Variants in RFFL observed in about 807,000 individuals in gnomAD.
RFFL encodes the protein E3 ubiquitin-protein ligase rififylin.
In RFFL, 16 loss-of-function variants were observed where a neutral mutation model predicts 40.4. That is an observed-to-expected ratio of 0.40 (90% CI 0.27 to 0.60). The LOEUF is 0.60. Ranked by LOEUF, RFFL falls within the 20% of genes least tolerant of loss-of-function variation. The pLI, the probability that RFFL is intolerant of heterozygous loss-of-function variation, is 0.47. For synonymous variants in RFFL, 154 were observed against 167.9 expected (o/e 0.92, Z 0.64); for missense variants, 367 against 451.7 (o/e 0.81, Z 1.70).
intron 1 of RFFL, among the ~76,000 whole-genome samples, chr17:35,079,713 G>C (rs1441411020): frequency 6.6e-6 from 1 of 152,134 alleles, no homozygotes; most frequent in Non-Finnish European, 1.5e-5. Flanking sequence ...GGGAGTGGTG[G>C]GGATGATTCA....
intron 1 of RFFL, among the ~76,000 whole-genome samples, chr17:35,034,174 T>G (rs72823665): frequency 6.6e-6 from 1 of 150,802 alleles, no homozygotes; most frequent in Admixed American, 6.6e-5. Context: ...ATAATAATAA[T>G]AATGATAATA....
At chr17:35,078,265 G>C (rs193254821) in intron 1 of RFFL, among the ~76,000 whole-genome samples, 1 of 152,106 alleles carries the variant, frequency 6.6e-6, no homozygotes, top group African/African-American at 2.4e-5. Flanking sequence ...AAAAGGTCAC[G>C]ATTTGTATGT....
intron 1 of RFFL, among the ~76,000 whole-genome samples, chr17:35,058,810 A>G (rs1205390982): frequency 6.6e-6 from 1 of 151,998 alleles, no homozygotes. Context: ...ATCACATTGC[A>G]TGCCCTTTTG....
chr17:35,075,338 T>C (rs1301668299), intron 1 of RFFL, among the ~76,000 whole-genome samples: 1 of 152,222 alleles, frequency 6.6e-6, no homozygotes, highest in Non-Finnish European at 1.5e-5. Context: ...ACACATGCAA[T>C]ACCTTTTTCC....
intron 1 of RFFL, among the ~76,000 whole-genome samples, chr17:35,086,782 C>T (rs983041568): frequency 1.3e-5 from 2 of 152,032 alleles, no homozygotes; most frequent in African/African-American, 4.8e-5. Context: ...ATGACTAGTA[C>T]AAGTTTGGTA....
chr17:35,012,415 A>C lies in RFFL; in HGVS notation c.911-266T>G, dbSNP rs1047138894. 1.2e-4 allele frequency among the ~76,000 whole-genome samples: 19 copies of C among 152,364 alleles called. No homozygotes were observed. In the East Asian group the frequency reaches 3.1e-3, roughly 25 times the overall value. On this transcript the variant is annotated intron_variant, in intron 6 of 6. Transcript: ENST00000394597. The stretch of plus-strand genomic sequence containing the variant: ...AGCACTTGTGGATCAGACACATCCC[A>C]GAACATGAGAACTAAGGCAAAGTTC...
At chr17:35,028,010 G>A (rs1302745105) in intron 1 of RFFL, among the ~76,000 whole-genome samples, 1 of 150,060 alleles carries the variant, frequency 6.7e-6, no homozygotes, top group Non-Finnish European at 1.5e-5. Context: ...TCCAGCCTGG[G>A]TGACAAGAGC....
upstream of RFFL, among the ~76,000 whole-genome samples, chr17:35,067,638 A>C (rs1163971864): frequency 2.6e-5 from 4 of 151,694 alleles, no homozygotes; most frequent in Non-Finnish European, 5.9e-5. Context: ...TATTTTTAGT[A>C]GAGACGGAGT....
At chr17:35,059,191 G>A (rs891141620) in intron 1 of RFFL, among the ~76,000 whole-genome samples, 1 of 151,678 alleles carries the variant, frequency 6.6e-6, no homozygotes, top group African/African-American at 2.4e-5. Context: ...GCTAATTTTT[G>A]TATTTTTAGT....
intron 1 of RFFL, among the ~76,000 whole-genome samples, chr17:35,044,740 T>C (rs16970575): frequency 0.023 from 3,487 of 152,300 alleles, 164 homozygotes; most frequent in African/African-American, 0.08. Flanking sequence ...CAAGGTTATT[T>C]TGGCTTTAGG....
At position 35,041,661 on chromosome 17, in the gene RFFL, TTGAGA is replaced by T. The variant is rs2091166371; in HGVS notation, c.-8-15105_-8-15101del. On this transcript the variant is annotated intron_variant, in intron 1 of 6. Coordinates refer to ENST00000394597, the MANE Select transcript of RFFL (RefSeq NM_001017368.2). ...GGAGGACTCCTCATGTCGGTGATAC[TTGAGA>T]TGAGACCTGAAGGCTGAGAAAGGAT... is the stretch of plus-strand genomic sequence containing the variant. Among the ~76,000 whole-genome samples the T allele has an allele frequency of 2.0e-5, 3 of 151,300 alleles. No homozygotes were observed. The South Asian group carries it at 6.3e-4, about 32-fold the overall frequency.
intron 1 of RFFL, among the ~76,000 whole-genome samples, chr17:35,086,809 T>C (rs1410345205): frequency 2.6e-5 from 4 of 152,186 alleles, no homozygotes; most frequent in Non-Finnish European, 4.4e-5. Flanking sequence ...CCTCTATCAT[T>C]AAAACCATGG....
At chr17:35,027,156 A>G (rs1166821210) in intron 1 of RFFL, among the ~76,000 whole-genome samples, 1 of 152,074 alleles carries the variant, frequency 6.6e-6, no homozygotes, top group African/African-American at 2.4e-5. Flanking sequence ...TCCCTATACT[A>G]TGTTGTCCAT....
At position 35,012,120 on chromosome 17, in the gene RFFL, T is replaced by G. The variant is rs1567699162; in HGVS notation, c.940A>C (p.Asn314His). ...GAGTCCATGCAGATCTTACACAGGT[T>G]CTCCTCCAAGCCTGATGGTACTGCT... ...GGAVPSGLEE[N>H]LCKICMDSPI... The change falls in exon 7 of 7, where the codon AAC becomes CAC. Residue 314 changes from asparagine to histidine, a missense_variant. Coordinates refer to ENST00000394597, the MANE Select transcript of RFFL (RefSeq NM_001017368.2). 6.2e-7 allele frequency: 1 copy of G among 1,613,820 alleles called. No homozygotes were observed. The highest frequency in any genetic ancestry group is 1.3e-5 in the African/African-American group (1 of 74,822).
chr17:35,006,327 A>T lies in RFFL; in HGVS notation c.*5641T>A, dbSNP rs916062929. On this transcript the variant is annotated 3_prime_UTR_variant, in exon 7 of 7. Coordinates refer to ENST00000394597, the MANE Select transcript of RFFL (RefSeq NM_001017368.2). Reference sequence around the variant, plus strand: ...TTTTAATTCAACTTCAAATGGTCACATGTCACTAGTGACTACCACACTGGA... The same window carrying T: ...TTTTAATTCAACTTCAAATGGTCACTTGTCACTAGTGACTACCACACTGGA... 3 of 155,058 alleles carry T rather than the reference A, an allele frequency of 1.9e-5. No individual in the cohort carries two copies. Among genetic ancestry groups the T allele is most frequent in the Non-Finnish European group, 4.3e-5 (3 of 70,102 alleles). The allele number at this position is 155,058 out of a possible 1,614,324, so 9.6% of individuals were successfully genotyped here.
chr17:35,067,382 T>G (rs2091325781), upstream of RFFL, among the ~76,000 whole-genome samples: 1 of 150,924 alleles, frequency 6.6e-6, no homozygotes, highest in South Asian at 2.1e-4. Context: ...CCTCCCAAAG[T>G]GCTAGAATTA....
chr17:35,063,134 C>T (rs1362726609), intron 1 of RFFL, among the ~76,000 whole-genome samples: 1 of 152,208 alleles, frequency 6.6e-6, no homozygotes, highest in Non-Finnish European at 1.5e-5. Flanking sequence ...TTTAATTGGA[C>T]CTAACTCCAC....
intron 1 of RFFL, among the ~76,000 whole-genome samples, chr17:35,051,333 C>CA (rs1196986679): frequency 6.6e-6 from 1 of 152,204 alleles, no homozygotes; most frequent in African/African-American, 2.4e-5. Flanking sequence ...TTTCAAAACA[C>CA]AGGCACACGA....
chr17:35,050,411 G>A (rs2091224985), intron 1 of RFFL, among the ~76,000 whole-genome samples: 1 of 151,974 alleles, frequency 6.6e-6, no homozygotes, highest in Non-Finnish European at 1.5e-5. Flanking sequence ...GTCAAGGCTG[G>A]ACTGTAGTGA....
Sources: gnomAD v4.1 joint callset for allele counts (sites outside exome capture counted in the v4.1 genomes callset) on GRCh38, gnomAD v4.1.1 for gene constraint, MANE v1.5 for transcripts, NCBI Gene and HGNC (gene_info 2026-07-23, HGNC 2026-07-21) for gene names.